The following FMN1 variants were observed in gnomAD, a reference collection of about 807,000 sequenced individuals.
The protein encoded by FMN1 is formin 1, also known as formin-1.
A neutral mutation model predicts 132.4 loss-of-function variants in FMN1; 110 were observed. That is an observed-to-expected ratio of 0.83 (90% CI 0.71 to 0.97). The LOEUF is 0.97. FMN1 is among the 50% of genes least tolerant of loss of function. The pLI is 0.00. For missense variants in FMN1, 1,792 were observed against 1,705.3 expected (o/e 1.05, Z -0.90); for synonymous variants, 722 against 651.7 (o/e 1.11, Z -1.64).
At position 32,969,414 on chromosome 15, in the gene FMN1, C is replaced by G. The variant is rs755477388; in HGVS notation, c.2287G>C (p.Glu763Gln). 2.5e-6 allele frequency: 4 copies of G among 1,613,958 alleles called. No individual in the cohort carries two copies. The East Asian group carries it at 6.7e-5, about 27-fold the overall frequency. ...GEHAMITARL[E>Q]ETIENLKHEL... ...TGTTTCAGATTTTCAATGGTTTCTTCTAGTCTCGCTGTTATCATTGCATGC... is the reference window on the plus strand; with the variant it reads ...TGTTTCAGATTTTCAATGGTTTCTTGTAGTCTCGCTGTTATCATTGCATGC... The change falls in exon 8 of 21, where the codon GAA becomes CAA. Residue 763 changes from glutamate to glutamine, a missense_variant. By Grantham distance (29) the Glu-to-Gln change is conservative. Coordinates refer to ENST00000616417, the MANE Select transcript of FMN1 (RefSeq NM_001277313.2).
At chr15:32,864,607 A>C (rs919193487) in intron 16 of FMN1, among the ~76,000 whole-genome samples, 1 of 152,190 alleles carries the variant, frequency 6.6e-6, no homozygotes, top group East Asian at 1.9e-4. Flanking sequence ...TGGTCAAAAA[A>C]CTCCGAATTC....
chr15:33,083,407 C>T (rs979117420), intron 5 of FMN1, among the ~76,000 whole-genome samples: 11 of 152,162 alleles, frequency 7.2e-5, no homozygotes, highest in Non-Finnish European at 1.5e-4. Context: ...GGATGGGAGG[C>T]TGGTTGCCAA....
intron 4 of FMN1, chr15:33,151,331 G>A (rs747431415): frequency 6.5e-7 from 1 of 1,536,646 alleles, no homozygotes; most frequent in South Asian, 1.2e-5. Flanking sequence ...GATGCTTACA[G>A]TTCTTATGAC....
chr15:32,889,801 G>A (rs2059981985), intron 15 of FMN1, among the ~76,000 whole-genome samples: 1 of 152,118 alleles, frequency 6.6e-6, no homozygotes, highest in Non-Finnish European at 1.5e-5. Flanking sequence ...AAGTTATTGG[G>A]GTAGAGGTGG....
chr15:32,836,900 C>T (rs539039702), intron 17 of FMN1: 1 of 167,406 alleles, frequency 6.0e-6, no homozygotes, highest in Non-Finnish European at 1.4e-5. Flanking sequence ...ACTGATCGAT[C>T]TCAGTGGGTA....
intron 17 of FMN1, among the ~76,000 whole-genome samples, chr15:32,808,785 G>A (rs965925089): frequency 2.6e-5 from 4 of 152,082 alleles, no homozygotes; most frequent in African/African-American, 9.7e-5. Flanking sequence ...CTAGCTTTCT[G>A]ACTTTTTGGC....
intron 5 of FMN1, among the ~76,000 whole-genome samples, chr15:33,078,302 T>C (rs1174513257): frequency 3.9e-5 from 6 of 152,250 alleles, no homozygotes; most frequent in Non-Finnish European, 5.9e-5. Context: ...ATCATTATTA[T>C]GGAGCATGTG....
At chr15:33,005,338 T>A (rs2034358935) in intron 7 of FMN1, among the ~76,000 whole-genome samples, 1 of 152,180 alleles carries the variant, frequency 6.6e-6, no homozygotes, top group Non-Finnish European at 1.5e-5. Context: ...TGTACTAGTA[T>A]CATCAAAAGA....
chr15:32,793,997 G>A (rs1258751), intron 19 of FMN1, among the ~76,000 whole-genome samples: 142,047 of 152,244 alleles, frequency 0.93, 67,078 homozygotes, highest in Non-Finnish European at 1. Flanking sequence ...TAAGTCCCCA[G>A]CTCTTGGTCC....
intron 4 of FMN1, among the ~76,000 whole-genome samples, chr15:33,104,369 T>G (rs1454992): frequency 0.12 from 17,713 of 152,148 alleles, 1,910 homozygotes; most frequent in East Asian, 0.61. Context: ...GATTTACAAT[T>G]TAAAATGAGT....
intron 4 of FMN1, among the ~76,000 whole-genome samples, chr15:33,091,466 C>T (rs889673232): frequency 6.6e-6 from 1 of 152,110 alleles, no homozygotes; most frequent in Non-Finnish European, 1.5e-5. Flanking sequence ...TTTCTGATAC[C>T]TAAGGTTTAA....
At chr15:33,070,581 A>G (rs978461204) in intron 5 of FMN1, among the ~76,000 whole-genome samples, 1 of 152,130 alleles carries the variant, frequency 6.6e-6, no homozygotes, top group African/African-American at 2.4e-5. Flanking sequence ...CAATACTCAT[A>G]GATGCCAACA....
intron 3 of FMN1, among the ~76,000 whole-genome samples, chr15:33,155,807 A>G (rs1964649461): frequency 2.6e-5 from 4 of 152,200 alleles, no homozygotes; most frequent in Admixed American, 1.3e-4. Context: ...GTCACCACAG[A>G]AACGGCTGAA....
intron 16 of FMN1, among the ~76,000 whole-genome samples, chr15:32,863,424 A>T (rs1403671136): frequency 1.3e-5 from 2 of 152,114 alleles, no homozygotes; most frequent in Admixed American, 6.5e-5. Context: ...ACAGAGCGAG[A>T]CTCCATCTCA....
chr15:32,785,218 A>ATATTTTTTTTTTTTTT (rs1444523400), intron 19 of FMN1, among the ~76,000 whole-genome samples: 7 of 39,204 alleles, frequency 1.8e-4, no homozygotes, highest in Non-Finnish European at 2.3e-4. Context: ...ATATATATAT[A>ATATTTTTTTTTTTTTT]TTTTTTTTTT....
chr15:32,969,090 G>A lies in FMN1; in HGVS notation c.2611C>T (p.Pro871Ser). 1 of 1,607,470 alleles carries A rather than the reference G, an allele frequency of 6.2e-7. No homozygotes were observed. The highest frequency in any genetic ancestry group is 1.3e-5 in the African/African-American group (1 of 74,846). The change falls in exon 8 of 21, where the codon CCT (proline) becomes TCT (serine). Residue 871 changes from proline (P) to serine (S), a missense_variant. Physicochemically the swap from Pro to Ser is moderately conservative, Grantham distance 74. Around this residue, in one of 3 missense-constraint regions of FMN1, gnomAD observed 1,150 missense variants for 1,043.1 expected, o/e 1.10. Transcript: ENST00000616417. Reference protein sequence around the residue: ...ASNQQKALPPPPASIPPPPPL... With the variant: ...ASNQQKALPPSPASIPPPPPL... ...GGAGGGGGAGGGATGGATGCGGGAG[G>A]CGGAGGCAATGCCTTCTGCTGATTT... is the stretch of plus-strand genomic sequence containing the variant.
At chr15:32,868,838 G>T (rs2059451999) in intron 16 of FMN1, among the ~76,000 whole-genome samples, 1 of 151,912 alleles carries the variant, frequency 6.6e-6, no homozygotes, top group Non-Finnish European at 1.5e-5. Flanking sequence ...CTAAATGTTG[G>T]GGACAAATAT....
At chr15:32,776,948 G>A (rs1042388985) in intron 19 of FMN1, 29 bp from the exon 20 acceptor site, 1 of 1,353,516 alleles carries the variant, frequency 7.4e-7, no homozygotes, top group Non-Finnish European at 1.0e-6. Context: ...AAAGACAGGG[G>A]AGAGAGGGAA....
chr15:32,952,732 CAT>C (rs945441271), intron 9 of FMN1, among the ~76,000 whole-genome samples: 3 of 152,152 alleles, frequency 2.0e-5, no homozygotes, highest in Non-Finnish European at 4.4e-5. Context: ...ATATTTTGGA[CAT>C]GCAAAATGCC....
Sources: allele counts gnomAD v4.1 joint callset (sites outside exome capture counted in the v4.1 genomes callset), GRCh38; gene constraint gnomAD v4.1.1; regional missense constraint gnomAD v4.1.1; transcripts MANE v1.5; gene names NCBI Gene and HGNC (gene_info 2026-07-23, HGNC 2026-07-21).